SEMA6A: variants seen among roughly 807,000 people sequenced by gnomAD.
SEMA6A encodes the protein semaphorin-6A.
A neutral mutation model predicts 96.8 loss-of-function variants in SEMA6A; 25 were observed. That is an observed-to-expected ratio of 0.26 (90% CI 0.19 to 0.36). The LOEUF (loss-of-function observed/expected upper bound fraction) is 0.36. Ranked by LOEUF, SEMA6A falls within the 10% of genes least tolerant of loss-of-function variation. The pLI, the probability that SEMA6A is intolerant of heterozygous loss-of-function variation, is 1.00. For missense variants in SEMA6A, 1,363 were observed against 1,323.1 expected, an observed-to-expected ratio of 1.03 and a Z score of -0.47; for synonymous variants, 612 against 518.0, an observed-to-expected ratio of 1.18 and a Z score of -2.46.
chr5:116,471,388 G>C (rs1756135258), intron 17 of SEMA6A: 1 of 152,062 alleles, frequency 6.6e-6, no homozygotes, highest in Non-Finnish European at 1.5e-5. Context: ...AATTGGTCTT[G>C]GTATGATTGA....
At chr5:116,480,321 G>T in intron 11 of SEMA6A, 44 bp from the exon 12 acceptor site, 1 of 1,606,832 alleles carries the variant, frequency 6.2e-7, no homozygotes, top group Non-Finnish European at 8.5e-7. Context: ...CTTATTTTCT[G>T]CCTTATGGCA....
At chr5:116,452,574 T>C (rs1423671348) in intron 18 of SEMA6A, among the ~76,000 whole-genome samples, 3 of 152,200 alleles carry the variant, frequency 2.0e-5, no homozygotes, top group Non-Finnish European at 2.9e-5. Flanking sequence ...ATAAGAACAA[T>C]TGTAAACTGA....
intron 1 of SEMA6A, among the ~76,000 whole-genome samples, chr5:116,518,264 A>C (rs1758758862): frequency 6.6e-6 from 1 of 152,168 alleles, no homozygotes; most frequent in African/African-American, 2.4e-5. Flanking sequence ...CAAAGTGGAC[A>C]CTGGGCGTCA....
chr5:116,517,217 G>A (rs1346224256), intron 1 of SEMA6A, among the ~76,000 whole-genome samples: 1 of 151,718 alleles, frequency 6.6e-6, no homozygotes, highest in Non-Finnish European at 1.5e-5. Context: ...TTATGAACAG[G>A]TATGATTATT....
intron 18 of SEMA6A, among the ~76,000 whole-genome samples, chr5:116,456,723 G>T (rs1370248586): frequency 1.3e-5 from 2 of 152,176 alleles, no homozygotes. Flanking sequence ...GATTGGGTCA[G>T]CCCAGGCATA....
At chr5:116,478,184 A>G (rs1370437865) in intron 13 of SEMA6A, 30 bp from the exon 14 acceptor site, 1 of 1,609,470 alleles carries the variant, frequency 6.2e-7, no homozygotes, top group African/African-American at 1.3e-5. Context: ...TAATATCATT[A>G]ATAGACTCTT....
At chr5:116,524,567 A>C (rs1050391944) in intron 1 of SEMA6A, among the ~76,000 whole-genome samples, 1 of 152,142 alleles carries the variant, frequency 6.6e-6, no homozygotes, top group Admixed American at 6.5e-5. Flanking sequence ...CCCTAGCAAG[A>C]AACACATAAA....
chr5:116,445,644 C>A lies in SEMA6A; in HGVS notation c.*969G>T, dbSNP rs1754132896. The stretch of plus-strand genomic sequence containing the variant: ...CATGTTTATAGGCCAGAGACCTGAC[C>A]AGGCAATGAACTGATAGATTTAAAT... On this transcript the variant is annotated 3_prime_UTR_variant, in exon 19 of 19. Transcript: ENST00000343348. 1.3e-5 allele frequency: 2 copies of A among 152,454 alleles called. No homozygotes were observed. The highest frequency in any genetic ancestry group is 4.8e-5 in the African/African-American group (2 of 41,434). The allele number at this position is 152,454 out of a possible 1,614,324, so 9.4% of individuals were successfully genotyped here. A position where few individuals can be genotyped will look rare whatever the true frequency, so the allele number is the denominator to read the frequency against.
At chr5:116,494,677 G>A (rs112313243) in intron 6 of SEMA6A, among the ~76,000 whole-genome samples, 24 of 152,156 alleles carry the variant, frequency 1.6e-4, no homozygotes, top group African/African-American at 5.3e-4. Flanking sequence ...GAGGCCTCCT[G>A]TCTGTCTTTA....
chr5:116,475,565 T>C lies in SEMA6A; in HGVS notation c.1688A>G (p.Asp563Gly). Residue 563 changes from aspartate to glycine, a missense_variant, in exon 16 of 19, where the codon GAT (aspartate) becomes GGT (glycine). Around this residue, in one of 2 missense-constraint regions of SEMA6A, gnomAD observed 883 missense variants for 763.6 expected, o/e 1.16. Coordinates refer to ENST00000343348, the MANE Select transcript of SEMA6A (RefSeq NM_020796.5). ...FEQDIERGNT[D>G]GLGDCHNSFV... is the part of the protein sequence containing the mutation. The stretch of plus-strand genomic sequence containing the variant: ...CTTACTGTGACAGTCCCCCAGACCA[T>C]CTGTATTGCCACGCTCTATGTCCTG... The C allele has an allele frequency of 1.3e-5, 21 of 1,604,032 alleles. No homozygotes were observed. The highest frequency in any genetic ancestry group is 1.8e-5 in the Non-Finnish European group (21 of 1,175,114).
rs140932193 is a variant in SEMA6A at position 116,454,504 on chromosome 5, C to A, written c.1895-6693G>T. ...GAACTAATCACTAGCCAAGCATCGC[C>A]CCGCTAACCACACAGGGCCCGCTGT... On this transcript the variant is annotated intron_variant, in intron 18 of 18. Coordinates refer to ENST00000343348, the MANE Select transcript of SEMA6A (RefSeq NM_020796.5). Among the ~76,000 whole-genome samples, 90 of 152,248 alleles carry A rather than the reference C, an allele frequency of 5.9e-4. 1 individual carries two copies. The highest frequency in any genetic ancestry group is 2.0e-3 in the African/African-American group (85 of 41,540).
At chr5:116,498,567 T>TG (rs947498847) in intron 3 of SEMA6A, 3 of 22,344 alleles carry the variant, frequency 1.3e-4, no homozygotes, top group Non-Finnish European at 2.6e-4. Context: ...TGAGTGTGCA[T>TG]GGGGGGAGGG....
At chr5:116,472,252 G>T (rs900009937) in intron 17 of SEMA6A, 1 of 152,290 alleles carries the variant, frequency 6.6e-6, no homozygotes, top group Non-Finnish European at 1.5e-5. Context: ...GTTTAATATA[G>T]TGATTGTGTA....
intron 1 of SEMA6A, among the ~76,000 whole-genome samples, chr5:116,568,209 C>T (rs533531623): frequency 1.4e-4 from 21 of 152,220 alleles, no homozygotes; most frequent in African/African-American, 4.3e-4. Flanking sequence ...TTCCACAATG[C>T]GTGTAATATT....
chr5:116,461,176 A>G (rs1755370954), intron 18 of SEMA6A, among the ~76,000 whole-genome samples: 1 of 152,184 alleles, frequency 6.6e-6, no homozygotes, highest in African/African-American at 2.4e-5. Flanking sequence ...CTTCAAAATC[A>G]GAAATAAGTG....
At chr5:116,449,945 T>G (rs935459379) in intron 18 of SEMA6A, 1 of 152,300 alleles carries the variant, frequency 6.6e-6, no homozygotes, top group Non-Finnish European at 1.5e-5. Context: ...CTCACACCTT[T>G]TATGTGTGAA....
At chr5:116,571,302 G>C (rs1461296088) in intron 1 of SEMA6A, among the ~76,000 whole-genome samples, 1 of 152,168 alleles carries the variant, frequency 6.6e-6, no homozygotes. Context: ...CCTCAGAAAT[G>C]ATTTTCGGTA....
At chr5:116,545,681 T>C (rs911804714) in intron 1 of SEMA6A, among the ~76,000 whole-genome samples, 1 of 152,236 alleles carries the variant, frequency 6.6e-6, no homozygotes, top group Non-Finnish European at 1.5e-5. Flanking sequence ...AAAATTAATG[T>C]TCAAGTGCTA....
chr5:116,555,934 T>A (rs1434321324), intron 1 of SEMA6A, among the ~76,000 whole-genome samples: 1 of 152,196 alleles, frequency 6.6e-6, no homozygotes, highest in Non-Finnish European at 1.5e-5. Context: ...ATACACAATC[T>A]ACATTACCTA....
Sources: allele counts gnomAD v4.1 joint callset (sites outside exome capture counted in the v4.1 genomes callset), GRCh38; gene constraint gnomAD v4.1.1; regional missense constraint gnomAD v4.1.1; transcripts MANE v1.5; gene names NCBI Gene and HGNC (gene_info 2026-07-23, HGNC 2026-07-21).